Variants in SLC44A2 observed in about 807,000 individuals in gnomAD.
The protein encoded by SLC44A2 is solute carrier family 44 member 2 (CTL2 blood group), also known as choline transporter-like protein 2.
In SLC44A2, 57 loss-of-function variants were observed where a neutral mutation model predicts 90.8. The observed-to-expected ratio is 0.63, with a 90% CI of 0.51 to 0.78. The LOEUF is 0.78. SLC44A2 is among the 30% of genes least tolerant of loss of function. The pLI is 0.00. For synonymous variants in SLC44A2, 355 were observed against 360.7 expected, an observed-to-expected ratio of 0.98 and a Z score of 0.18; for missense variants, 794 against 919.7, an observed-to-expected ratio of 0.86 and a Z score of 1.77.
intron 20 of SLC44A2, among the ~76,000 whole-genome samples, chr19:10,639,846 A>T (rs2067096780): frequency 6.6e-6 from 1 of 151,860 alleles, no homozygotes; most frequent in Admixed American, 6.6e-5. Flanking sequence ...GCGCCACTGC[A>T]CTCGAGCCTG....
chr19:10,631,327 G>C lies in SLC44A2; in HGVS notation c.383G>C (p.Ser128Thr). ...DRYLTYLNARSSRDFEYYKQF... is the reference protein window; with the variant it reads ...DRYLTYLNARTSRDFEYYKQF... ...TACCTCACGTACCTGAATGCTCGCA[G>C]CTCCCGGGACTTTGAGTACTATAAG... Residue 128 changes from serine to threonine, a missense_variant, in exon 6 of 22, where the codon AGC (serine) becomes ACC (threonine). By Grantham distance (58) the Ser-to-Thr change is moderately conservative. Around this residue, in one of 3 missense-constraint regions of SLC44A2, gnomAD observed 738 missense variants for 841.1 expected, o/e 0.88. Transcript: ENST00000335757. 1 of 1,614,182 alleles carries C rather than the reference G, an allele frequency of 6.2e-7. No homozygotes were observed. Among genetic ancestry groups the C allele is most frequent in the South Asian group, 1.1e-5 (1 of 91,084 alleles).
chr19:10,604,284 C>G (rs1043367118), intron 1 of SLC44A2, among the ~76,000 whole-genome samples: 1 of 152,124 alleles, frequency 6.6e-6, no homozygotes, highest in South Asian at 2.1e-4. Context: ...TTGAGCCAGC[C>G]GTGGGAAGAT....
chr19:10,636,137 G>C lies in SLC44A2; in HGVS notation c.1234-186G>C, dbSNP rs567483337. On this transcript the variant is annotated intron_variant, in intron 14 of 21. Transcript: ENST00000335757. Reference sequence around the variant, plus strand: ...TCTTCTTGACCCCAGTGATGGCCACGTCTTGTTTCTAGAATCCCTTCCTTT... The same window carrying C: ...TCTTCTTGACCCCAGTGATGGCCACCTCTTGTTTCTAGAATCCCTTCCTTT... 48 of 689,692 alleles carry C rather than the reference G, an allele frequency of 7.0e-5. 1 individual carries two copies. In the East Asian group the frequency reaches 7.3e-4, roughly 11 times the overall value. 42.7% of individuals were successfully genotyped at this position (689,692 alleles called of 1,614,324 possible).
Position 10,632,088 on chromosome 19 carries a change from T to A in SLC44A2, c.755T>A (p.Leu252Gln). The A allele has an allele frequency of 6.2e-7, 1 of 1,614,202 alleles. No individual in the cohort carries two copies. Among genetic ancestry groups the A allele is most frequent in the Non-Finnish European group, 8.5e-7 (1 of 1,180,034 alleles). ...AMAMSLLFII[L>Q]LRFLAGIMVW... ...GCGATGAGCCTCCTGTTCATCATCCTGCTTCGCTTCCTGGCTGGTATTATG... is the reference window on the plus strand; with the variant it reads ...GCGATGAGCCTCCTGTTCATCATCCAGCTTCGCTTCCTGGCTGGTATTATG... Residue 252 changes from leucine to glutamine, a missense_variant, in exon 10 of 22, where the codon CTG (leucine) becomes CAG (glutamine). Physicochemically the swap from Leu to Gln is moderately radical, Grantham distance 113 (BLOSUM62 -2). Transcript: ENST00000335757.
intron 1 of SLC44A2, among the ~76,000 whole-genome samples, chr19:10,607,021 C>T (rs539625642): frequency 1.5e-4 from 22 of 150,060 alleles, no homozygotes; most frequent in Admixed American, 4.0e-4. Context: ...ACGCCATTCT[C>T]CTGCCTCAGC....
intron 1 of SLC44A2, among the ~76,000 whole-genome samples, chr19:10,605,535 T>TA (rs1183949000): frequency 6.7e-6 from 1 of 149,990 alleles, no homozygotes; most frequent in Non-Finnish European, 1.5e-5. Flanking sequence ...AATAAATAAA[T>TA]AATAAAAATA....
chr19:10,635,232 C>T lies in SLC44A2; in HGVS notation c.1125C>T (p.Ile375=), dbSNP rs748937282. 6.2e-6 allele frequency: 10 copies of T among 1,613,934 alleles called. No individual in the cohort carries two copies. Among genetic ancestry groups the T allele is most frequent in the African/African-American group, 1.3e-5 (1 of 74,892 alleles). The change falls in exon 13 of 22, where the codon ATC becomes ATT. Residue 375 remains isoleucine, a synonymous_variant. Transcript: ENST00000335757. The part of the protein sequence containing the change: ...LVTFFLLCLC[I]AYWASTAVFL... ...CCTTCTTCTTGCTGTGCCTCTGCAT[C>T]GCCTACTGGGCCAGCACTGCTGTGT...
upstream of SLC44A2, among the ~76,000 whole-genome samples, chr19:10,620,882 T>C (rs1037586183): frequency 6.6e-6 from 1 of 151,886 alleles, no homozygotes; most frequent in Non-Finnish European, 1.5e-5. Context: ...CTACAAAAAA[T>C]TTTAAAATTA....
At chr19:10,607,966 C>T (rs1428825862) in intron 1 of SLC44A2, among the ~76,000 whole-genome samples, 2 of 143,462 alleles carry the variant, frequency 1.4e-5, no homozygotes, top group African/African-American at 5.0e-5. Context: ...ACCGTGGTCT[C>T]GATCTCCTGA....
chr19:10,617,762 C>T lies in SLC44A2; in HGVS notation c.32-8491C>T, dbSNP rs545972528. 1.4e-4 allele frequency among the ~76,000 whole-genome samples: 21 copies of T among 152,250 alleles called. No homozygotes were observed. In the South Asian group the frequency reaches 4.4e-3, roughly 32 times the overall value. On this transcript the variant is annotated intron_variant, in intron 1 of 21. Transcript: ENST00000407327. ...CTATAAAATGGGTTGATGAAATGGC[C>T]TCCAGTATGGTGGAGAGGATCTGAA...
rs775200654 is a variant in SLC44A2, at chr19:10,631,531, A to G, written c.498A>G (p.Lys166=). 3 of 1,613,920 alleles carry G rather than the reference A, an allele frequency of 1.9e-6. No homozygotes were observed. Among genetic ancestry groups the G allele is most frequent in the Middle Eastern group, 1.6e-4 (1 of 6,062 alleles). ...GCCCTGCTGTCCTCATCCCCAGCAA[A>G]CCCTGTGAGTCAGGGGATCCCAGGA... ...GDCPAVLIPS[K]PLARRCFPAI... Residue 166 remains lysine (K), a synonymous_variant, in exon 7 of 22, where the codon AAA becomes AAG. Coordinates refer to ENST00000335757, the MANE Select transcript of SLC44A2 (RefSeq NM_020428.4).
intron 20 of SLC44A2, among the ~76,000 whole-genome samples, chr19:10,640,739 T>C (rs2067106428): frequency 6.6e-6 from 1 of 152,052 alleles, no homozygotes; most frequent in Non-Finnish European, 1.5e-5. Flanking sequence ...ATGCATAAAA[T>C]TGCAGCTGCA....
rs370251193 is a variant in SLC44A2 at position 10,611,295 on chromosome 19, T to C, written c.31+8734T>C. Among the ~76,000 whole-genome samples, 7 of 151,946 alleles carry C rather than the reference T, an allele frequency of 4.6e-5. No homozygotes were observed. The South Asian group carries it at 1.5e-3, about 32-fold the overall frequency. On this transcript the variant is annotated intron_variant, in intron 1 of 21. Transcript: ENST00000407327. ...GGTGAAACCCCATCTCTGCTAACAC[T>C]ACAAAATTTAGCCAGGCGTGGTGGC...
At chr19:10,631,788 C>T (rs764596205) in intron 8 of SLC44A2, 39 bp downstream of exon 8, 1 of 1,614,076 alleles carries the variant, frequency 6.2e-7, no homozygotes, top group African/African-American at 1.3e-5. Context: ...TCTCACTTTG[C>T]TGGGTGGGAC....
intron 10 of SLC44A2, among the ~76,000 whole-genome samples, chr19:10,632,767 G>C (rs953612126): frequency 4.6e-5 from 7 of 151,180 alleles, no homozygotes; most frequent in Non-Finnish European, 7.4e-5. Flanking sequence ...CCGCCTCCTG[G>C]GTCCAAGCTA....
rs371738865 is a variant in SLC44A2 at position 10,632,197 on chromosome 19, G to A, written c.823+41G>A. ...CCTGTGGCTTCTCTTTCCTGAATCC[G>A]CACACTGCCCTGCCCTTTCCCGTGG... On this transcript the variant is annotated intron_variant, in intron 10 of 21. Transcript: ENST00000335757. 2.4e-5 allele frequency: 37 copies of A among 1,531,694 alleles called. No individual in the cohort carries two copies. In the Middle Eastern group the frequency reaches 3.1e-3, roughly 130 times the overall value. The allele number at this position is 1,531,694 out of a possible 1,614,324, so 94.9% of individuals were successfully genotyped here.
rs748399337 is a variant in SLC44A2 at position 10,631,382 on chromosome 19, T to C, written c.438T>C (p.Asn146=). 2.5e-6 allele frequency: 4 copies of C among 1,614,106 alleles called. No individual in the cohort carries two copies. Among genetic ancestry groups the C allele is most frequent in the East Asian group, 4.5e-5 (2 of 44,876 alleles). The change falls in exon 6 of 22, where the codon AAT becomes AAC. Residue 146 remains asparagine (N), a synonymous_variant. Transcript: ENST00000335757. The stretch of plus-strand genomic sequence containing the variant: ...TCTGTGTTCCTGGCTTCAAGAACAA[T>C]AAAGTGAGTTGTAGACTGTCCTGAG... ...KQFCVPGFKN[N]KGVAEVLQDG... is the part of the protein sequence containing the mutation.
chr19:10,602,658 C>T (rs926185692), intron 1 of SLC44A2: 3 of 1,126,320 alleles, frequency 2.7e-6, no homozygotes, highest in Non-Finnish European at 3.4e-6. Context: ...ACCGGCGCTG[C>T]GGCTGGATGG....
chr19:10,635,118 A>G, intron 12 of SLC44A2, 45 bp downstream of exon 12: 1 of 1,613,556 alleles, frequency 6.2e-7, no homozygotes, highest in Non-Finnish European at 8.5e-7. Flanking sequence ...CTGTCCCTAG[A>G]GTTGTGTCTT....
Sources: allele counts gnomAD v4.1 joint callset (sites outside exome capture counted in the v4.1 genomes callset), GRCh38; gene constraint gnomAD v4.1.1; regional missense constraint gnomAD v4.1.1; transcripts MANE v1.5; gene names NCBI Gene and HGNC (gene_info 2026-07-23, HGNC 2026-07-21).